The following CDPF1 variants were observed in gnomAD, a reference collection of about 807,000 sequenced individuals.
CDPF1 encodes cysteine rich DPF motif domain containing 1.
A neutral mutation model predicts 8.3 loss-of-function variants in CDPF1; 8 were observed. That is an observed-to-expected ratio of 0.96 (90% CI 0.57 to 1.74). The LOEUF is 1.74. Among genes scored for constraint, CDPF1 ranks in the 40% most tolerant of loss-of-function variants. The pLI, the probability that CDPF1 is intolerant of heterozygous loss-of-function variation, is 0.00. For missense variants in CDPF1, 151 were observed against 155.3 expected (o/e 0.97, Z 0.15); for synonymous variants, 62 against 62.9 (o/e 0.99, Z 0.07).
Position 46,247,076 on chromosome 22 carries a change from G to T in CDPF1, c.225+34C>A. 1 of 1,536,194 alleles carries T rather than the reference G, an allele frequency of 6.5e-7. No individual in the cohort carries two copies. Among genetic ancestry groups the T allele is most frequent in the Non-Finnish European group, 9.0e-7 (1 of 1,112,622 alleles). ...GAGAGCTCCAGGATAACCACAGCAA[G>T]GACAGGTGGCCCCAGCCCACGCTGC... On this transcript the variant is annotated intron_variant, in intron 3 of 3. Transcript: ENST00000314567. This position sits in a 1 kb window ranked among gnomAD's most constrained non-coding sequence, Gnocchi z 4.3.
rs139543211 is a variant in CDPF1, at chr22:46,244,734, C to A, written c.*358G>T. 102 of 245,964 alleles carry A rather than the reference C, an allele frequency of 4.1e-4. 2 individuals are homozygous for A. In the South Asian group the frequency reaches 6.0e-3, roughly 14 times the overall value. The allele number at this position is 245,964 out of a possible 1,614,324, so 15.2% of individuals were successfully genotyped here. On this transcript the variant is annotated 3_prime_UTR_variant, in exon 4 of 4. Transcript: ENST00000314567. This position sits in a 1 kb window ranked among gnomAD's most constrained non-coding sequence, Gnocchi z 6.7. Reference sequence around the variant, plus strand: ...GCCCCGACACAGTGTGGCATCTCCCCCCACACGCACCTGCACGCAGCCTCT... The same window carrying A: ...GCCCCGACACAGTGTGGCATCTCCCACCACACGCACCTGCACGCAGCCTCT...
At position 46,247,222 on chromosome 22, in the gene CDPF1, C is replaced by T. The variant is rs764718994; in HGVS notation, c.114-1G>A. ...CATGACATAGCTTTCCTCCAGGAGGCTGCAGGAGAGTGAATGCAGCGTCAG... is the reference window on the plus strand; with the variant it reads ...CATGACATAGCTTTCCTCCAGGAGGTTGCAGGAGAGTGAATGCAGCGTCAG... On this transcript the variant is annotated splice_acceptor_variant, in intron 2 of 3. Coordinates refer to ENST00000314567, the MANE Select transcript of CDPF1 (RefSeq NM_207327.5). LOFTEE classifies it high-confidence loss of function. This position sits in a 1 kb window ranked among gnomAD's most constrained non-coding sequence, Gnocchi z 4.3. 2.5e-6 allele frequency: 4 copies of T among 1,607,278 alleles called. No homozygotes were observed. Among genetic ancestry groups the T allele is most frequent in the South Asian group, 1.1e-5 (1 of 90,754 alleles).
rs771172423 is a variant in CDPF1, at chr22:46,246,739, CACA to C, written c.225+368_225+370del. On this transcript the variant is annotated intron_variant, in intron 3 of 3. Coordinates refer to ENST00000314567, the MANE Select transcript of CDPF1 (RefSeq NM_207327.5). The surrounding 1 kb of genome is among the most constrained non-coding windows in gnomAD (Gnocchi z 7.1). ...CAGGTCCCAAGCACAGGACCTGGCACACAACAAGTGCTCATGAAAGGACAGTCC... is the reference window on the plus strand; with the variant it reads ...CAGGTCCCAAGCACAGGACCTGGCACACAAGTGCTCATGAAAGGACAGTCC... The C allele has an allele frequency of 8.7e-6, 14 of 1,602,698 alleles. No homozygotes were observed. The highest frequency in any genetic ancestry group is 2.2e-5 in the East Asian group (1 of 44,582).
chr22:46,247,329 A>G lies in CDPF1; in HGVS notation c.114-108T>C. On this transcript the variant is annotated intron_variant, in intron 2 of 3. Coordinates refer to ENST00000314567, the MANE Select transcript of CDPF1 (RefSeq NM_207327.5). This position sits in a 1 kb window ranked among gnomAD's most constrained non-coding sequence, Gnocchi z 4.3. ...CAGCCTGCACCTCTGCAGGGCCTGC[A>G]TACCTGCGTGGGCTCATCAGGGCAG... 2.7e-6 allele frequency: 2 copies of G among 748,806 alleles called. No individual in the cohort carries two copies. Among genetic ancestry groups the G allele is most frequent in the East Asian group, 2.7e-5 (1 of 36,864 alleles). The allele number at this position is 748,806 out of a possible 1,614,324, so 46.4% of individuals were successfully genotyped here. A position where few individuals can be genotyped will look rare whatever the true frequency, so the allele number is the denominator to read the frequency against.
In CDPF1 at chr22:46,249,579, G is replaced by A. The variant is rs996648208; in HGVS notation, c.-1+677C>T. Among the ~76,000 whole-genome samples, 8 of 152,062 alleles carry A rather than the reference G, an allele frequency of 5.3e-5. No individual in the cohort carries two copies. The highest frequency in any genetic ancestry group is 8.8e-5 in the Non-Finnish European group (6 of 68,000). On this transcript the variant is annotated intron_variant, in intron 1 of 3. Transcript: ENST00000314567. This position sits in a 1 kb window ranked among gnomAD's most constrained non-coding sequence, Gnocchi z 4.6. ...CAGGGGAATCACTTGAACCTAGGAG[G>A]CGGAGATTGCAGTGAGCCGAGATTG...
In CDPF1 at chr22:46,244,743, A is replaced by C. The variant is rs1936459073; in HGVS notation, c.*349T>G. 7.7e-6 allele frequency: 2 copies of C among 260,302 alleles called. No individual in the cohort carries two copies. Among genetic ancestry groups the C allele is most frequent in the South Asian group, 5.3e-5 (1 of 18,866 alleles). The allele number at this position is 260,302 out of a possible 1,614,324, so 16.1% of individuals were successfully genotyped here. On this transcript the variant is annotated 3_prime_UTR_variant, in exon 4 of 4. Coordinates refer to ENST00000314567, the MANE Select transcript of CDPF1 (RefSeq NM_207327.5). This position sits in a 1 kb window ranked among gnomAD's most constrained non-coding sequence, Gnocchi z 6.7. Reference sequence around the variant, plus strand: ...CAGTGTGGCATCTCCCCCCACACGCACCTGCACGCAGCCTCTTAGGAGCTG... The same window carrying C: ...CAGTGTGGCATCTCCCCCCACACGCCCCTGCACGCAGCCTCTTAGGAGCTG...
At position 46,245,292 on chromosome 22, in the gene CDPF1, C is replaced by G; in HGVS notation, c.226-54G>C. On this transcript the variant is annotated intron_variant, in intron 3 of 3. Coordinates refer to ENST00000314567, the MANE Select transcript of CDPF1 (RefSeq NM_207327.5). This position sits in a 1 kb window ranked among gnomAD's most constrained non-coding sequence, Gnocchi z 6.9. ...TGAGTATCCTGGGAACATGGTGCAG[C>G]TCCTCCCAGGGGCCAGCCCTTCCCA... is the stretch of plus-strand genomic sequence containing the variant. The G allele has an allele frequency of 6.3e-7, 1 of 1,592,906 alleles. No homozygotes were observed. Among genetic ancestry groups the G allele is most frequent in the Non-Finnish European group, 8.6e-7 (1 of 1,165,738 alleles).
At position 46,245,009 on chromosome 22, in the gene CDPF1, T is replaced by C. The variant is rs1202297720; in HGVS notation, c.*83A>G. 2 of 1,541,662 alleles carry C rather than the reference T, an allele frequency of 1.3e-6. No individual in the cohort carries two copies. Among genetic ancestry groups the C allele is most frequent in the Non-Finnish European group, 1.8e-6 (2 of 1,136,036 alleles). On this transcript the variant is annotated 3_prime_UTR_variant, in exon 4 of 4. Transcript: ENST00000314567. This position sits in a 1 kb window ranked among gnomAD's most constrained non-coding sequence, Gnocchi z 6.9. ...CAGAAACAAGGCCAGGCATGGCGGC[T>C]CCCAGCTCAGCAGCATCCCTGGCGC...
rs902254341 is a variant in CDPF1, at chr22:46,245,322, T to TG, written c.226-85dup. The TG allele has an allele frequency of 1.0e-4, 156 of 1,491,558 alleles. 3 individuals are homozygous for TG. The South Asian group carries it at 1.4e-3, about 13-fold the overall frequency. The allele number at this position is 1,491,558 out of a possible 1,614,324, so 92.4% of individuals were successfully genotyped here. On this transcript the variant is annotated intron_variant, in intron 3 of 3. Transcript: ENST00000314567. The surrounding 1 kb of genome is among the most constrained non-coding windows in gnomAD (Gnocchi z 6.9). ...CCCAGGGGCCAGCCCTTCCCACACTTGGGGGGCTGGGCTGGGGCCCCAGCA... is the reference window on the plus strand; with the variant it reads ...CCCAGGGGCCAGCCCTTCCCACACTTGGGGGGGCTGGGCTGGGGCCCCAGCA...
chr22:46,244,193 G>C lies in CDPF1; in HGVS notation c.*899C>G, dbSNP rs1936448664. ...AGGGAGATGGGGAGCCTGGAGTAGG[G>C]GGGTGCTGCAGGAACCCCCGGCAGG... On this transcript the variant is annotated 3_prime_UTR_variant, in exon 4 of 4. Transcript: ENST00000314567. The surrounding 1 kb of genome is among the most constrained non-coding windows in gnomAD (Gnocchi z 6.7). 1 of 152,338 alleles carries C rather than the reference G, an allele frequency of 6.6e-6. No individual in the cohort carries two copies. Among genetic ancestry groups the C allele is most frequent in the Non-Finnish European group, 1.5e-5 (1 of 68,204 alleles). 9.4% of individuals were successfully genotyped at this position (152,338 alleles called of 1,614,324 possible).
In CDPF1 at chr22:46,248,069, TA is replaced by T; in HGVS notation, c.113+102del. On this transcript the variant is annotated intron_variant, in intron 2 of 3. Transcript: ENST00000314567. This position sits in a 1 kb window ranked among gnomAD's most constrained non-coding sequence, Gnocchi z 4.1. Reference sequence around the variant, plus strand: ...TTCAGAGCCTGGCCAGGGTGGGGTCTAAAGCTCCACACCTGAGACAGTTGTC... The same window carrying T: ...TTCAGAGCCTGGCCAGGGTGGGGTCTAAGCTCCACACCTGAGACAGTTGTC... 5.4e-6 allele frequency: 4 copies of T among 742,166 alleles called. No homozygotes were observed. Among genetic ancestry groups the T allele is most frequent in the East Asian group, 2.7e-5 (1 of 36,888 alleles). 46.0% of individuals were successfully genotyped at this position (742,166 alleles called of 1,614,324 possible).
chr22:46,248,394 C>A lies in CDPF1; in HGVS notation c.1-110G>T. 2 of 657,144 alleles carry A rather than the reference C, an allele frequency of 3.0e-6. No homozygotes were observed. Among genetic ancestry groups the A allele is most frequent in the Admixed American group, 2.4e-5 (1 of 41,808 alleles). 40.7% of individuals were successfully genotyped at this position (657,144 alleles called of 1,614,324 possible). On this transcript the variant is annotated intron_variant, in intron 1 of 3. Coordinates refer to ENST00000314567, the MANE Select transcript of CDPF1 (RefSeq NM_207327.5). This position sits in a 1 kb window ranked among gnomAD's most constrained non-coding sequence, Gnocchi z 4.1. ...ATATAGTCCTAGCACAGTTTCTTGCCTCCCTACCGTACCCTTTTCTCTATC... is the reference window on the plus strand; with the variant it reads ...ATATAGTCCTAGCACAGTTTCTTGCATCCCTACCGTACCCTTTTCTCTATC...
In CDPF1 at chr22:46,245,841, C is replaced by G. The variant is rs1050195937; in HGVS notation, c.226-603G>C. On this transcript the variant is annotated intron_variant, in intron 3 of 3. Transcript: ENST00000314567. The surrounding 1 kb of genome is among the most constrained non-coding windows in gnomAD (Gnocchi z 6.9). ...CCATGTGACTCAGGCTGGTTAGGGGCGTCAGCAACTGTGTGTGCCACCTCC... is the reference window on the plus strand; with the variant it reads ...CCATGTGACTCAGGCTGGTTAGGGGGGTCAGCAACTGTGTGTGCCACCTCC... Among the ~76,000 whole-genome samples, 1 of 152,226 alleles carries G rather than the reference C, an allele frequency of 6.6e-6. No homozygotes were observed. Among genetic ancestry groups the G allele is most frequent in the African/African-American group, 2.4e-5 (1 of 41,464 alleles).
At position 46,244,077 on chromosome 22, in the gene CDPF1, A is replaced by C. The variant is rs1936446238; in HGVS notation, c.*1015T>G. ...TGACAGTTGGCCTTGAGTAGTTACA[A>C]AGACAGAGCAGTTCCTGCCTCTCAG... On this transcript the variant is annotated 3_prime_UTR_variant, in exon 4 of 4. Transcript: ENST00000314567. This position sits in a 1 kb window ranked among gnomAD's most constrained non-coding sequence, Gnocchi z 6.7. The C allele has an allele frequency of 6.6e-6, 1 of 152,232 alleles. No homozygotes were observed. Among genetic ancestry groups the C allele is most frequent in the Admixed American group, 6.5e-5 (1 of 15,284 alleles). The allele number at this position is 152,232 out of a possible 1,614,324, so 9.4% of individuals were successfully genotyped here.
At position 46,244,968 on chromosome 22, in the gene CDPF1, G is replaced by A. The variant is rs1936463168; in HGVS notation, c.*124C>T. On this transcript the variant is annotated 3_prime_UTR_variant, in exon 4 of 4. Transcript: ENST00000314567. The surrounding 1 kb of genome is among the most constrained non-coding windows in gnomAD (Gnocchi z 6.7). ...GACTCCAGCTCCCCTGGGCTGCAGTGCTGCTCCCAGTGGTCCAGAAACAAG... is the reference window on the plus strand; with the variant it reads ...GACTCCAGCTCCCCTGGGCTGCAGTACTGCTCCCAGTGGTCCAGAAACAAG... The A allele has an allele frequency of 7.8e-7, 1 of 1,274,706 alleles. No individual in the cohort carries two copies. The highest frequency in any genetic ancestry group is 1.1e-6 in the Non-Finnish European group (1 of 917,428). The allele number at this position is 1,274,706 out of a possible 1,614,324, so 79.0% of individuals were successfully genotyped here.
Position 46,248,133 on chromosome 22 carries a change from C to A in CDPF1, c.113+39G>T, listed in dbSNP as rs77458625. The stretch of plus-strand genomic sequence containing the variant: ...ACCACCCACCAACCAGCACTGGGCA[C>A]AGGCCTCCCCGGCACTGGCCCAAAA... On this transcript the variant is annotated intron_variant, in intron 2 of 3. Transcript: ENST00000314567. This position sits in a 1 kb window ranked among gnomAD's most constrained non-coding sequence, Gnocchi z 4.1. The A allele has an allele frequency of 6.8e-7, 1 of 1,468,092 alleles. No individual in the cohort carries two copies. Among genetic ancestry groups the A allele is most frequent in the East Asian group, 2.3e-5 (1 of 43,814 alleles). The allele number at this position is 1,468,092 out of a possible 1,614,324, so 90.9% of individuals were successfully genotyped here. A position where few individuals can be genotyped will look rare whatever the true frequency, so the allele number is the denominator to read the frequency against.
rs920438748 is a variant in CDPF1, at chr22:46,245,715, G to A, written c.226-477C>T. On this transcript the variant is annotated intron_variant, in intron 3 of 3. Coordinates refer to ENST00000314567, the MANE Select transcript of CDPF1 (RefSeq NM_207327.5). This position sits in a 1 kb window ranked among gnomAD's most constrained non-coding sequence, Gnocchi z 6.9. ...AGGCCAGAACCGTGCAGCCATGTCC[G>A]CTCTCCTCTCTCTTACACACTAGAA... Among the ~76,000 whole-genome samples the A allele has an allele frequency of 3.3e-5, 5 of 152,222 alleles. No individual in the cohort carries two copies. The highest frequency in any genetic ancestry group is 1.3e-4 in the Admixed American group (2 of 15,284).
chr22:46,248,936 G>A lies in CDPF1; in HGVS notation c.1-652C>T, dbSNP rs547972196. 2.0e-5 allele frequency among the ~76,000 whole-genome samples: 3 copies of A among 152,294 alleles called. No individual in the cohort carries two copies. Among genetic ancestry groups the A allele is most frequent in the African/African-American group, 4.8e-5 (2 of 41,572 alleles). ...TGGGAGTCTGAGGCAGGAGAATGGC[G>A]TGAACCCAGGAGACGGAGCTTGCAG... On this transcript the variant is annotated intron_variant, in intron 1 of 3. Transcript: ENST00000314567. The surrounding 1 kb of genome is among the most constrained non-coding windows in gnomAD (Gnocchi z 4.1).
In CDPF1 at chr22:46,244,679, G is replaced by A. The variant is rs1936457337; in HGVS notation, c.*413C>T. The A allele has an allele frequency of 5.5e-6, 1 of 182,262 alleles. No homozygotes were observed. Among genetic ancestry groups the A allele is most frequent in the Admixed American group, 5.5e-5 (1 of 18,316 alleles). The allele number at this position is 182,262 out of a possible 1,614,324, so 11.3% of individuals were successfully genotyped here. ...CTGTCAGTGATTTTCCTTACAGAGA[G>A]ACCATTGCAGCCACCTACAGTGCAC... is the stretch of plus-strand genomic sequence containing the variant. On this transcript the variant is annotated 3_prime_UTR_variant, in exon 4 of 4. Coordinates refer to ENST00000314567, the MANE Select transcript of CDPF1 (RefSeq NM_207327.5). This position sits in a 1 kb window ranked among gnomAD's most constrained non-coding sequence, Gnocchi z 6.7.
Sources: allele counts gnomAD v4.1 joint callset (sites outside exome capture counted in the v4.1 genomes callset), GRCh38; gene constraint gnomAD v4.1.1; non-coding constraint Gnocchi (gnomAD v3.1); transcripts MANE v1.5; gene names NCBI Gene and HGNC (gene_info 2026-07-23, HGNC 2026-07-21).